Variants in XPNPEP2 observed in about 807,000 individuals in gnomAD.
The protein encoded by XPNPEP2 is xaa-Pro aminopeptidase 2.
Under a neutral mutation model 59.8 loss-of-function variants are expected in XPNPEP2, and 64 were observed. That is an observed-to-expected ratio of 1.07 (90% CI 0.87 to 1.32). The LOEUF is 1.32. Ranked by LOEUF, XPNPEP2 falls within the 40% of genes most tolerant of loss-of-function variation. The pLI, the probability that XPNPEP2 is intolerant of heterozygous loss-of-function variation, is 0.00. For synonymous variants in XPNPEP2, 235 were observed against 210.0 expected, an observed-to-expected ratio of 1.12 and a Z score of -1.03; for missense variants, 575 against 546.8, an observed-to-expected ratio of 1.05 and a Z score of -0.51.
Position 129,739,196 on chromosome X carries a change from C to T in XPNPEP2, c.-18C>T. The stretch of plus-strand genomic sequence containing the variant: ...CCCTTGTCCCTCCATCCACCCAGCG[C>T]CGGCATCTGGAGACCCTATGGCCCG... On this transcript the variant is annotated 5_prime_UTR_variant, in exon 1 of 21. Transcript: ENST00000371106. 2 of 1,207,365 alleles carry T rather than the reference C, an allele frequency of 1.7e-6. No homozygotes were observed. Among genetic ancestry groups the T allele is most frequent in the South Asian group, 3.5e-5 (2 of 56,850 alleles).
At chrX:129,751,444 A>G (rs762810476) in intron 8 of XPNPEP2, among the ~76,000 whole-genome samples, 1 of 108,277 alleles carries the variant, frequency 9.2e-6, no homozygotes, top group Non-Finnish European at 1.9e-5. Flanking sequence ...CGAGGTGGAG[A>G]TTGCAGTGAG....
chrX:129,758,216 G>T (rs911157010), intron 14 of XPNPEP2, among the ~76,000 whole-genome samples: 1 of 111,962 alleles, frequency 8.9e-6, no homozygotes, highest in Non-Finnish European at 1.9e-5. Flanking sequence ...AGTAGCAGGC[G>T]CTCAGCTTAG....
At chrX:129,753,321 A>C in intron 11 of XPNPEP2, 73 bp downstream of exon 11, 8 of 1,000,160 alleles carry the variant, frequency 8.0e-6, no homozygotes, top group Non-Finnish European at 1.1e-5. Flanking sequence ...AAAGGCCTCC[A>C]GAAGAGCCTG....
rs1926293482 is a variant in XPNPEP2 at position 129,746,244 on chromosome X, G to C, written c.307G>C (p.Val103Leu). 1.7e-6 allele frequency: 2 copies of C among 1,209,104 alleles called. No homozygotes were observed. The highest frequency in any genetic ancestry group is 2.2e-5 in the Admixed American group (1 of 45,774). Residue 103 changes from valine to leucine, a missense_variant, in exon 5 of 21, where the codon GTG becomes CTG. Val to Leu is a conservative substitution (Grantham distance 32). Transcript: ENST00000371106. ...TGFTGSAGTA[V>L]VTMKKAAVWT... ...TCTCTGTTCTGCCCCAGGAACTGCA[G>C]TGGTGACTATGAAGAAAGCAGCTGT...
chrX:129,739,327 T>C, intron 1 of XPNPEP2, 65 bp downstream of exon 1: 1 of 1,123,056 alleles, frequency 8.9e-7, no homozygotes, highest in Non-Finnish European at 1.2e-6. Context: ...TCAGAAAGGG[T>C]TGGAGTGAGG....
At chrX:129,741,316 C>A (rs768275918) in intron 1 of XPNPEP2, among the ~76,000 whole-genome samples, 9 of 111,890 alleles carry the variant, frequency 8.0e-5, no homozygotes, top group Non-Finnish European at 1.3e-4. Context: ...ACTGAAAGTG[C>A]GCTCACCTCT....
chrX:129,752,492 C>T, intron 10 of XPNPEP2, 147 bp downstream of exon 10: 1 of 599,734 alleles, frequency 1.7e-6, no homozygotes, highest in Non-Finnish European at 2.6e-6. Context: ...CTTGGCCTAA[C>T]TGGGAAGAGC....
intron 14 of XPNPEP2, among the ~76,000 whole-genome samples, chrX:129,758,267 A>T (rs1926593000): frequency 9.0e-6 from 1 of 111,701 alleles, no homozygotes; most frequent in Admixed American, 9.5e-5. Context: ...TGTGTACTTG[A>T]GATGGCCAAT....
intron 3 of XPNPEP2, among the ~76,000 whole-genome samples, chrX:129,744,765 A>T (rs1926263282): frequency 1.8e-5 from 2 of 112,467 alleles, no homozygotes; most frequent in African/African-American, 6.5e-5. Flanking sequence ...TGAGGATCAA[A>T]ATATGATAAT....
At position 129,745,264 on chromosome X, in the gene XPNPEP2, C is replaced by T. The variant is rs1926273238; in HGVS notation, c.296C>T (p.Ala99Val). ...RAWITGFTGS[A>V]GTAVVTMKKA... ...TGGATTACAGGCTTTACAGGGTCTG[C>T]AGGTGACAATCATTACCCAGCCCCA... Residue 99 changes from alanine to valine, a missense_variant and splice_region_variant, in exon 4 of 21, where the codon GCA becomes GTA. Physicochemically the swap from Ala to Val is moderately conservative, Grantham distance 64. Transcript: ENST00000371106. The T allele has an allele frequency of 8.3e-7, 1 of 1,211,494 alleles. No homozygotes were observed. Among genetic ancestry groups the T allele is most frequent in the South Asian group, 1.8e-5 (1 of 56,949 alleles).
At position 129,751,974 on chromosome X, in the gene XPNPEP2, G is replaced by A. The variant is rs138907933; in HGVS notation, c.821+148G>A. On this transcript the variant is annotated intron_variant, in intron 9 of 20. Coordinates refer to ENST00000371106, the MANE Select transcript of XPNPEP2 (RefSeq NM_003399.6). ...AGCACGACCCTTTAGAAAACCCCCT[G>A]TTGTCTTTTCCTGACTCTTTAAACC... 4.2e-3 allele frequency: 3,460 copies of A among 815,751 alleles called. 95 individuals are homozygous for A. The African/African-American group carries it at 0.062, about 15-fold the overall frequency. The allele number at this position is 815,751 out of a possible 1,213,427, so 67.2% of individuals were successfully genotyped here.
intron 1 of XPNPEP2, among the ~76,000 whole-genome samples, chrX:129,740,645 C>T (rs1184497146): frequency 4.9e-5 from 5 of 102,154 alleles, no homozygotes; most frequent in East Asian, 3.1e-4. Flanking sequence ...AAAAAAAATG[C>T]GGGCGCGGGG....
rs752752727 is a variant in XPNPEP2 at position 129,747,676 on chromosome X, T to C, written c.560T>C (p.Leu187Pro). 11 of 1,210,756 alleles carry C rather than the reference T, an allele frequency of 9.1e-6. No homozygotes were observed. The highest frequency in any genetic ancestry group is 5.2e-5 in the African/African-American group (3 of 57,362). The change falls in exon 7 of 21, where the codon CTT (leucine) becomes CCT (proline). Residue 187 changes from leucine (L) to proline (P), a missense_variant. Leu to Pro is a moderately conservative substitution (Grantham distance 98). Transcript: ENST00000371106. Reference sequence around the variant, plus strand: ...CAGCTGGTGTCCATCACAACCAATCTTGTGGACCTGGTATGGGGATCAGAG... The same window carrying C: ...CAGCTGGTGTCCATCACAACCAATCCTGTGGACCTGGTATGGGGATCAGAG... ...NRQLVSITTN[L>P]VDLVWGSERP...
intron 15 of XPNPEP2, 80 bp downstream of exon 15, chrX:129,759,320 G>A (rs1926613255): frequency 8.9e-7 from 1 of 1,126,904 alleles, no homozygotes; most frequent in African/African-American, 1.8e-5. Context: ...CCATTTCAGA[G>A]GCTAAAACTG....
intron 19 of XPNPEP2, among the ~76,000 whole-genome samples, chrX:129,765,635 C>CT (rs56014067): frequency 0.043 from 2,881 of 67,291 alleles, 120 homozygotes; most frequent in African/African-American, 0.072. Context: ...TTCTTTCTTT[C>CT]TTTTTTTTTT....
chrX:129,750,402 TC>T, intron 7 of XPNPEP2, 65 bp from the exon 8 acceptor site: 1 of 954,565 alleles, frequency 1.0e-6, no homozygotes, highest in Non-Finnish European at 1.5e-6. Flanking sequence ...AGGCTGACCT[TC>T]CAGGAACCGA....
rs754738653 is a variant in XPNPEP2 at position 129,742,649 on chromosome X, C to T, written c.123+468C>T. Among the ~76,000 whole-genome samples the T allele has an allele frequency of 1.0e-4, 11 of 110,494 alleles. No individual in the cohort carries two copies. In the South Asian group the frequency reaches 4.2e-3, roughly 42 times the overall value. ...GAGCACGGTGGCTGACGCCTGTAAT[C>T]CCAGCACTTTGGGAGACCGAGCCAG... On this transcript the variant is annotated intron_variant, in intron 2 of 20. Transcript: ENST00000371106.
intron 2 of XPNPEP2, among the ~76,000 whole-genome samples, chrX:129,743,611 G>A (rs1336094357): frequency 8.9e-6 from 1 of 112,317 alleles, no homozygotes; most frequent in Non-Finnish European, 1.9e-5. Flanking sequence ...CCCCCAGGTA[G>A]CCAAAGAAGG....
Position 129,761,203 on chromosome X carries a change from CT to C in XPNPEP2, c.1532del (p.Leu511CysfsTer65). ...RMVEAFARRA[L>X]WDAGLNYGHG... ...TGGTGGAGGCCTTTGCCCGCAGAGC[CT>C]TGTGGGATGCTGGTCTCAATTATGG... is the stretch of plus-strand genomic sequence containing the variant. On this transcript the variant is annotated frameshift_variant, in exon 17 of 21. Transcript: ENST00000371106. LOFTEE classifies it high-confidence loss of function. 1 of 1,212,136 alleles carries C rather than the reference CT, an allele frequency of 8.2e-7. No homozygotes were observed. Among genetic ancestry groups the C allele is most frequent in the Non-Finnish European group, 1.1e-6 (1 of 895,577 alleles).
Sources: allele counts gnomAD v4.1 joint callset (sites outside exome capture counted in the v4.1 genomes callset), GRCh38; gene constraint gnomAD v4.1.1; transcripts MANE v1.5; gene names NCBI Gene and HGNC (gene_info 2026-07-23, HGNC 2026-07-21).